Variants in SIN3B observed in about 807,000 individuals in gnomAD.
The protein encoded by SIN3B is SIN3 transcription regulator family member B.
Under a neutral mutation model 120.2 loss-of-function variants are expected in SIN3B, and 19 were observed. That is an observed-to-expected ratio of 0.16 (90% CI 0.11 to 0.23). The LOEUF (loss-of-function observed/expected upper bound fraction) is 0.23. Among genes scored for constraint, SIN3B ranks in the 10% least tolerant of loss-of-function variants. SIN3B has a pLI of 1.00. For missense variants in SIN3B, 1,073 were observed against 1,573.0 expected, an observed-to-expected ratio of 0.68 and a Z score of 5.38; for synonymous variants, 654 against 653.2, an observed-to-expected ratio of 1.00 and a Z score of -0.02.
At chr19:16,852,168 C>G (rs1332929758) in intron 6 of SIN3B, among the ~76,000 whole-genome samples, 3 of 152,142 alleles carry the variant, frequency 2.0e-5, no homozygotes, top group African/African-American at 7.2e-5. Context: ...GCTCTGTCAC[C>G]CAGGCTGGAG....
chr19:16,856,773 T>C lies in SIN3B; in HGVS notation c.1058+2512T>C, dbSNP rs1971621680. ...TTTTAGTAGAGATGGGGTTTTGCCA[T>C]GTTGGCCAGGCTGGTCTCGAACTCC... On this transcript the variant is annotated intron_variant, in intron 8 of 18. Transcript: ENST00000248054. 2.0e-5 allele frequency among the ~76,000 whole-genome samples: 3 copies of C among 152,166 alleles called. 1 individual carries two copies. In the South Asian group the frequency reaches 6.2e-4, roughly 32 times the overall value.
At chr19:16,872,582 T>C (rs1026162401) in intron 14 of SIN3B, 5 of 152,172 alleles carry the variant, frequency 3.3e-5, no homozygotes, top group African/African-American at 1.2e-4. Flanking sequence ...TAGCTGAGAT[T>C]ACAGGTGCGC....
chr19:16,858,169 G>A (rs1437994108), intron 8 of SIN3B, among the ~76,000 whole-genome samples: 3 of 152,132 alleles, frequency 2.0e-5, no homozygotes, highest in African/African-American at 4.8e-5. Context: ...GAGCCACGGC[G>A]CCCAGGCCCT....
chr19:16,877,716 T>A, intron 17 of SIN3B, 77 bp downstream of exon 17: 4 of 1,037,050 alleles, frequency 3.9e-6, no homozygotes, highest in Non-Finnish European at 4.4e-6. Flanking sequence ...TGACGGGGGC[T>A]GGACCATGGC....
intron 14 of SIN3B, 159 bp from the exon 15 acceptor site, chr19:16,875,896 T>A: frequency 1.2e-6 from 1 of 856,376 alleles, no homozygotes; most frequent in Non-Finnish European, 1.8e-6. Context: ...CTGTTTGGTC[T>A]GGTCTGCCCA....
At chr19:16,835,857 G>A (rs1311649013) in intron 3 of SIN3B, among the ~76,000 whole-genome samples, 1 of 152,132 alleles carries the variant, frequency 6.6e-6, no homozygotes. Flanking sequence ...GTTTCACCAT[G>A]TTGTCCAGGC....
chr19:16,863,223 C>T lies in SIN3B; in HGVS notation c.1267-457C>T, dbSNP rs139700689. The stretch of plus-strand genomic sequence containing the variant: ...CGGCCCTCCGGATCTGCAAGTTCCT[C>T]ATCTGTGGTTTCAACTAACCATGGA... On this transcript the variant is annotated intron_variant, in intron 9 of 18. Transcript: ENST00000248054. The T allele has an allele frequency of 7.5e-6, 4 of 535,042 alleles. No homozygotes were observed. In the East Asian group the frequency reaches 9.4e-5, roughly 13 times the overall value. 33.1% of individuals were successfully genotyped at this position (535,042 alleles called of 1,614,324 possible). A position where few individuals can be genotyped will look rare whatever the true frequency, so the allele number is the denominator to read the frequency against.
Position 16,878,405 on chromosome 19 carries a change from C to T in SIN3B, c.3162+15C>T. On this transcript the variant is annotated intron_variant, in intron 18 of 18. Coordinates refer to ENST00000248054, the MANE Select transcript of SIN3B (RefSeq NM_001297595.2). ...GGGCCAAGCAGGTGCCAGGGGAGGC[C>T]TGGGCTGCCCCGACATGCCCCTCCT... 1 of 1,607,194 alleles carries T rather than the reference C, an allele frequency of 6.2e-7. No individual in the cohort carries two copies. Among genetic ancestry groups the T allele is most frequent in the Non-Finnish European group, 8.5e-7 (1 of 1,177,346 alleles).
rs546520721 is a variant in SIN3B at position 16,845,959 on chromosome 19, G to A, written c.583-1011G>A. Among the ~76,000 whole-genome samples, 9 of 152,146 alleles carry A rather than the reference G, an allele frequency of 5.9e-5. No individual in the cohort carries two copies. In the South Asian group the frequency reaches 1.0e-3, roughly 18 times the overall value. On this transcript the variant is annotated intron_variant, in intron 4 of 18. Transcript: ENST00000248054. ...GATCAAGTGTAAAATTTTTTGTAGC[G>A]ATAGGGTCTCACTGTATTGCCCAGG... is the stretch of plus-strand genomic sequence containing the variant.
intron 5 of SIN3B, among the ~76,000 whole-genome samples, chr19:16,850,519 T>G (rs775052839): frequency 6.6e-6 from 1 of 152,188 alleles, no homozygotes; most frequent in Non-Finnish European, 1.5e-5. Flanking sequence ...CCATAGTATC[T>G]GATCGCTGCG....
chr19:16,874,655 C>CTGGTT (rs1252437068), intron 14 of SIN3B, among the ~76,000 whole-genome samples: 4 of 137,304 alleles, frequency 2.9e-5, no homozygotes, highest in Non-Finnish European at 6.2e-5. Context: ...CTGATCTGGC[C>CTGGTT]TGGTTTGGTT....
chr19:16,838,961 C>T (rs1467338607), intron 3 of SIN3B, among the ~76,000 whole-genome samples: 3 of 137,648 alleles, frequency 2.2e-5, no homozygotes, highest in African/African-American at 8.2e-5. Context: ...TTCCAGCCAC[C>T]GCGCCTGGCT....
At chr19:16,866,939 T>C (rs1971783519) in intron 12 of SIN3B, among the ~76,000 whole-genome samples, 1 of 152,170 alleles carries the variant, frequency 6.6e-6, no homozygotes, top group Non-Finnish European at 1.5e-5. Context: ...ATATTTTTAG[T>C]AGAGATGGGT....
chr19:16,854,803 G>C, intron 8 of SIN3B: 1 of 152,290 alleles, frequency 6.6e-6, no homozygotes, highest in East Asian at 1.9e-4. Flanking sequence ...CCAAGATCCT[G>C]AACTGGAATA....
chr19:16,857,892 T>C (rs992341235), intron 8 of SIN3B, among the ~76,000 whole-genome samples: 1 of 151,512 alleles, frequency 6.6e-6, no homozygotes, highest in Non-Finnish European at 1.5e-5. Context: ...CTTTTCTTTT[T>C]TTGAGACGGA....
At chr19:16,847,155 G>A (rs371933736) in intron 5 of SIN3B, 42 bp downstream of exon 5, 59 of 1,584,444 alleles carry the variant, frequency 3.7e-5, no homozygotes, top group African/African-American at 6.7e-5. Context: ...GGGCCTCAGC[G>A]AGGACGGAGG....
rs1380518500 is a variant in SIN3B, at chr19:16,855,376, C to G, written c.1058+1115C>G. On this transcript the variant is annotated intron_variant, in intron 8 of 18. Coordinates refer to ENST00000248054, the MANE Select transcript of SIN3B (RefSeq NM_001297595.2). ...AACCCTCTGGGAGAAACCTTCCCCC[C>G]CCCCCCCCCAGCAAAATTCCCTGGA... is the stretch of plus-strand genomic sequence containing the variant. 5.4e-5 allele frequency: 6 copies of G among 111,316 alleles called. 2 individuals are homozygous for G. The highest frequency in any genetic ancestry group is 1.6e-4 in the Admixed American group (2 of 12,386). 6.9% of individuals were successfully genotyped at this position (111,316 alleles called of 1,614,324 possible).
chr19:16,852,395 T>C (rs2144596194), intron 6 of SIN3B, among the ~76,000 whole-genome samples: 1 of 152,196 alleles, frequency 6.6e-6, no homozygotes, highest in East Asian at 1.9e-4. Context: ...TCCAAGTAGC[T>C]GGGACCACAG....
chr19:16,877,629 T>G lies in SIN3B; in HGVS notation c.2944T>G (p.Phe982Val). 6.2e-7 allele frequency: 1 copy of G among 1,608,782 alleles called. No individual in the cohort carries two copies. The highest frequency in any genetic ancestry group is 1.1e-5 in the South Asian group (1 of 89,822). Residue 982 changes from phenylalanine to valine, a missense_variant, in exon 17 of 19, where the codon TTC becomes GTC. Physicochemically the swap from Phe to Val is conservative, Grantham distance 50. Transcript: ENST00000248054. ...TGAGGGCTTCCTCCTGAAACCTGTGTTCCTGCAGAGGTAAGAGGCCCTGAG... is the reference window on the plus strand; with the variant it reads ...TGAGGGCTTCCTCCTGAAACCTGTGGTCCTGCAGAGGTAAGAGGCCCTGAG... Reference protein sequence around the residue: ...PTEGFLLKPVFLQRNLKKFRR... With the variant: ...PTEGFLLKPVVLQRNLKKFRR...
Sources: allele counts gnomAD v4.1 joint callset (sites outside exome capture counted in the v4.1 genomes callset), GRCh38; gene constraint gnomAD v4.1.1; transcripts MANE v1.5; gene names NCBI Gene and HGNC (gene_info 2026-07-23, HGNC 2026-07-21).